Variants in PPP2R1B observed in about 807,000 individuals in gnomAD.
The protein encoded by PPP2R1B is protein phosphatase 2 scaffold subunit Abeta, also known as serine/threonine-protein phosphatase 2A 65 kDa regulatory subunit A beta isoform.
Under a neutral mutation model 72.7 loss-of-function variants are expected in PPP2R1B, and 58 were observed. The observed-to-expected ratio is 0.80, with a 90% CI of 0.65 to 0.99. PPP2R1B has a LOEUF of 0.99. Among genes scored for constraint, PPP2R1B ranks in the 50% least tolerant of loss-of-function variants. PPP2R1B has a pLI of 0.00. For missense variants in PPP2R1B, 695 were observed against 733.6 expected, an observed-to-expected ratio of 0.95 and a Z score of 0.61; for synonymous variants, 256 against 264.6, an observed-to-expected ratio of 0.97 and a Z score of 0.32.
chr11:111,762,166 GCTACAGATTTTAAAGCATAAAAC>G (rs1343373070), intron 3 of PPP2R1B, among the ~76,000 whole-genome samples: 1 of 152,172 alleles, frequency 6.6e-6, no homozygotes, highest in Non-Finnish European at 1.5e-5. Flanking sequence ...CATGCCATGA[GCTACAGATTTTAAAGCATAAAAC>G]CCACATATAG....
At chr11:111,691,228 G>A in the PPP2R1B span, among the ~76,000 whole-genome samples, 1 of 152,012 alleles carries the variant, frequency 6.6e-6, no homozygotes, top group Non-Finnish European at 1.5e-5. Context: ...TTGCTTTTTA[G>A]TATCTAATCT....
In PPP2R1B at chr11:111,742,312, A is replaced by ATAAG; in HGVS notation, c.1698-169_1698-168insCTTA. ...GTCTAAAGAAATTCTCAGCAAAATC[A>ATAAG]GCTTCAGACAAGGATCTACACATTT... On this transcript the variant is annotated intron_variant, in intron 13 of 14. Coordinates refer to ENST00000527614, the MANE Select transcript of PPP2R1B (RefSeq NM_002716.5). 6.0e-6 allele frequency: 4 copies of ATAAG among 665,152 alleles called. No homozygotes were observed. The South Asian group carries it at 9.2e-5, about 15-fold the overall frequency. 41.2% of individuals were successfully genotyped at this position (665,152 alleles called of 1,614,324 possible).
In PPP2R1B at chr11:111,759,879, A is replaced by C. The variant is rs782616203; in HGVS notation, c.612T>G (p.Phe204Leu). ...CACTGTCTAATTCCAAAACTTTTGC[A>C]AATTCACCCAATTTGGAAGCAGCAG... ...RRAAASKLGE[F>L]AKVLELDSVK... is the part of the protein sequence containing the mutation. Residue 204 changes from phenylalanine to leucine, a missense_variant, in exon 5 of 15, where the codon TTT (phenylalanine) becomes TTG (leucine). Phe to Leu is a conservative substitution (Grantham distance 22). Transcript: ENST00000527614. 6.2e-7 allele frequency: 1 copy of C among 1,614,212 alleles called. No homozygotes were observed. The highest frequency in any genetic ancestry group is 2.2e-5 in the East Asian group (1 of 44,890).
Position 111,766,354 on chromosome 11 carries a change from C to T in PPP2R1B, c.8G>A (p.Gly3Asp). 1 of 1,450,306 alleles carries T rather than the reference C, an allele frequency of 6.9e-7. No homozygotes were observed. The highest frequency in any genetic ancestry group is 9.2e-7 in the Non-Finnish European group (1 of 1,089,560). The allele number at this position is 1,450,306 out of a possible 1,614,324, so 89.8% of individuals were successfully genotyped here. A position where few individuals can be genotyped will look rare whatever the true frequency, so the allele number is the denominator to read the frequency against. MA[G>D]ASELGTGPGA... Reference sequence around the variant, plus strand: ...TGGGCCGGTCCCGAGCTCTGATGCGCCCGCCATGTTCTTTCTCCTCCTGCT... The same window carrying T: ...TGGGCCGGTCCCGAGCTCTGATGCGTCCGCCATGTTCTTTCTCCTCCTGCT... Residue 3 changes from glycine (G) to aspartate (D), a missense_variant, in exon 1 of 15, where the codon GGC (glycine) becomes GAC (aspartate). By Grantham distance (94) the Gly-to-Asp change is moderately conservative. Transcript: ENST00000527614.
At chr11:111,742,993 A>G (rs1361767000) in intron 12 of PPP2R1B, among the ~76,000 whole-genome samples, 2 of 152,068 alleles carry the variant, frequency 1.3e-5, no homozygotes, top group East Asian at 3.9e-4. Context: ...CCCAAGGTTC[A>G]AGGGAGTCTC....
At chr11:111,708,103 A>C in the PPP2R1B span, among the ~76,000 whole-genome samples, 2 of 152,162 alleles carry the variant, frequency 1.3e-5, no homozygotes, top group African/African-American at 2.4e-5. Flanking sequence ...CCATTATGAC[A>C]GGGCACAGTT....
downstream of PPP2R1B, chr11:111,724,526 A>G (rs1006392242): frequency 6.2e-5 from 11 of 178,036 alleles, no homozygotes; most frequent in South Asian, 1.5e-4. Context: ...TATATGGGGG[A>G]AAAGGCAATA....
At chr11:111,722,581 A>G (rs1943834568), downstream of PPP2R1B, 3 of 1,275,724 alleles carry the variant, frequency 2.4e-6, no homozygotes, top group Non-Finnish European at 3.4e-6. The surrounding 1 kb of genome is among the most constrained non-coding windows in gnomAD (Gnocchi z 4.4). Context: ...AGTTAGATTC[A>G]TCCTGCAGGC....
rs947145285 is a variant in PPP2R1B, at chr11:111,739,045, C to T, written c.*2551G>A. The T allele has an allele frequency of 2.0e-6, 2 of 985,112 alleles. No homozygotes were observed. Among genetic ancestry groups the T allele is most frequent in the African/African-American group, 3.5e-5 (2 of 57,152 alleles). The allele number at this position is 985,112 out of a possible 1,614,324, so 61.0% of individuals were successfully genotyped here. On this transcript the variant is annotated 3_prime_UTR_variant, in exon 15 of 15. Coordinates refer to ENST00000527614, the MANE Select transcript of PPP2R1B (RefSeq NM_002716.5). The stretch of plus-strand genomic sequence containing the variant: ...AGAACTGTAGTCTAAGCCAGGGGAC[C>T]AGAAAAGGGCCACATAAAGCTTGTT...
intron 10 of PPP2R1B, among the ~76,000 whole-genome samples, chr11:111,750,567 C>T (rs1944864364): frequency 1.3e-5 from 2 of 152,172 alleles, no homozygotes; most frequent in African/African-American, 4.8e-5. Flanking sequence ...TAAAAGAGAT[C>T]ACCCATCTCT....
At chr11:111,709,367 G>T in the PPP2R1B span, among the ~76,000 whole-genome samples, 1 of 152,162 alleles carries the variant, frequency 6.6e-6, no homozygotes, top group Admixed American at 6.5e-5. Flanking sequence ...AGTGGTGAGG[G>T]GCTCAACTTG....
chr11:111,698,879 T>G, the PPP2R1B span, among the ~76,000 whole-genome samples: 2 of 152,234 alleles, frequency 1.3e-5, no homozygotes, highest in African/African-American at 2.4e-5. Flanking sequence ...TGCTGCTTTA[T>G]CCTGTGAGTG....
chr11:111,754,935 C>A (rs374673346), intron 7 of PPP2R1B, 45 bp downstream of exon 7: 1 of 1,497,732 alleles, frequency 6.7e-7, no homozygotes. Flanking sequence ...AAAAAATGCA[C>A]CAAAATGAAT....
In PPP2R1B at chr11:111,740,127, C is replaced by T. The variant is rs1021994722; in HGVS notation, c.*1469G>A. On this transcript the variant is annotated 3_prime_UTR_variant, in exon 15 of 15. Coordinates refer to ENST00000527614, the MANE Select transcript of PPP2R1B (RefSeq NM_002716.5). ...AAAAACCAAAAGGGTAACAAGCAAA[C>T]CTCATAGCAAGATGCACTGAGAGAA... 14 of 985,208 alleles carry T rather than the reference C, an allele frequency of 1.4e-5. No individual in the cohort carries two copies. The highest frequency in any genetic ancestry group is 1.6e-5 in the Non-Finnish European group (13 of 829,850). 61.0% of individuals were successfully genotyped at this position (985,208 alleles called of 1,614,324 possible).
chr11:111,737,819 C>A, downstream of PPP2R1B: 2 of 1,296,692 alleles, frequency 1.5e-6, no homozygotes, highest in Non-Finnish European at 1.0e-6. Context: ...CTGGCTGTTC[C>A]CCACATCCTG....
In PPP2R1B at chr11:111,752,185, A is replaced by G; in HGVS notation, c.1312T>C (p.Tyr438His). 6.2e-7 allele frequency: 1 copy of G among 1,613,470 alleles called. No individual in the cohort carries two copies. The highest frequency in any genetic ancestry group is 1.1e-5 in the South Asian group (1 of 90,970). The change falls in exon 10 of 15, where the codon TAT becomes CAT. Residue 438 changes from tyrosine to histidine, a missense_variant. Physicochemically the swap from Tyr to His is moderately conservative, Grantham distance 83. Transcript: ENST00000527614. ...KWRVRLAIIE[Y>H]MPLLAGQLGV... ...AGCTGGCCTGCCAGCAGCGGCATAT[A>G]CTCAATGATGGCCAGGCGGACCCTC...
chr11:111,743,383 C>G lies in PPP2R1B; in HGVS notation c.1547G>C (p.Cys516Ser). ...CAGTTATGTTATACTTACATTAATGCAGAATAAAGTGGTCATTCTATGCAA... is the reference window on the plus strand; with the variant it reads ...CAGTTATGTTATACTTACATTAATGGAGAATAAAGTGGTCATTCTATGCAA... The part of the protein sequence containing the change: ...NYLHRMTTLF[C>S]INALSEACGQ... Residue 516 changes from cysteine (C) to serine (S), a missense_variant, in exon 12 of 15, where the codon TGC (cysteine) becomes TCC (serine). Cys to Ser is a moderately radical substitution (Grantham distance 112, BLOSUM62 -1). Transcript: ENST00000527614. 1 of 1,605,546 alleles carries G rather than the reference C, an allele frequency of 6.2e-7. No individual in the cohort carries two copies. Among genetic ancestry groups the G allele is most frequent in the African/African-American group, 1.3e-5 (1 of 74,604 alleles).
At chr11:111,747,774 T>C (rs529512367) in intron 11 of PPP2R1B, among the ~76,000 whole-genome samples, 180 bp downstream of exon 11, 1 of 152,314 alleles carries the variant, frequency 6.6e-6, no homozygotes, top group Non-Finnish European at 1.5e-5. Flanking sequence ...AAATCGAAGA[T>C]ACAAAAAATT....
At position 111,763,996 on chromosome 11, in the gene PPP2R1B, C is replaced by A. The variant is rs970278693; in HGVS notation, c.306+809G>T. ...CCAGTATTCAAAGCTCTGACACATA[C>A]ACCCCTACCTTGTCCAACTGTTGAA... On this transcript the variant is annotated intron_variant, in intron 3 of 14. Transcript: ENST00000527614. Among the ~76,000 whole-genome samples, 15 of 152,258 alleles carry A rather than the reference C, an allele frequency of 9.9e-5. No homozygotes were observed. The Middle Eastern group carries it at 0.01, about 104-fold the overall frequency.
Sources: gnomAD v4.1 joint callset for allele counts (sites outside exome capture counted in the v4.1 genomes callset) on GRCh38, gnomAD v4.1.1 for gene constraint, Gnocchi (gnomAD v3.1) non-coding constraint, MANE v1.5 for transcripts, NCBI Gene and HGNC (gene_info 2026-07-23, HGNC 2026-07-21) for gene names.